The following SLC35F1 variants were observed in gnomAD, a reference collection of about 807,000 sequenced individuals.
SLC35F1 encodes solute carrier family 35 member F1, also known as chromosome 6 open reading frame 169.
SLC35F1 carries 14 observed loss-of-function variants against 48.7 expected under a neutral mutation model. The observed-to-expected ratio is 0.29, with a 90% CI of 0.19 to 0.45. SLC35F1 has a LOEUF of 0.45. Ranked by LOEUF, SLC35F1 falls within the 20% of genes least tolerant of loss-of-function variation. The pLI is 1.00. For missense variants in SLC35F1, 404 were observed against 500.0 expected (o/e 0.81, Z 1.83); for synonymous variants, 190 against 202.2 (o/e 0.94, Z 0.51).
intron 1 of SLC35F1, among the ~76,000 whole-genome samples, chr6:117,948,602 A>G (rs1289345997): frequency 2.0e-5 from 3 of 152,186 alleles, no homozygotes; most frequent in Admixed American, 2.0e-4. Flanking sequence ...CATTGGGGAT[A>G]CAAGTATCAA....
Position 118,285,172 on chromosome 6 carries a change from C to G in SLC35F1, c.848-12C>G. 1 of 1,611,904 alleles carries G rather than the reference C, an allele frequency of 6.2e-7. No homozygotes were observed. The highest frequency in any genetic ancestry group is 8.5e-7 in the Non-Finnish European group (1 of 1,178,348). On this transcript the variant is annotated splice_polypyrimidine_tract_variant and intron_variant, in intron 6 of 7. Transcript: ENST00000360388. ...AGGCCCTGACGCTGCCTTCTCTTTACTCTTCCCCCAGGACTGCTCTACGTT... is the reference window on the plus strand; with the variant it reads ...AGGCCCTGACGCTGCCTTCTCTTTAGTCTTCCCCCAGGACTGCTCTACGTT...
chr6:118,104,464 A>G (rs1209491205), intron 1 of SLC35F1, among the ~76,000 whole-genome samples: 1 of 152,188 alleles, frequency 6.6e-6, no homozygotes, highest in Non-Finnish European at 1.5e-5. Context: ...ACAGTGACAA[A>G]CACAGTAAAT....
intron 1 of SLC35F1, among the ~76,000 whole-genome samples, chr6:118,075,461 C>T (rs1203469112): frequency 1.3e-5 from 2 of 152,188 alleles, no homozygotes; most frequent in Non-Finnish European, 2.9e-5. Context: ...CTTCCAGAAA[C>T]ATTTTATAAC....
At chr6:118,210,462 G>A (rs1457396269) in intron 2 of SLC35F1, among the ~76,000 whole-genome samples, 2 of 152,132 alleles carry the variant, frequency 1.3e-5, no homozygotes, top group South Asian at 2.1e-4. Context: ...AAAAAGAAAC[G>A]AAGTACAAAC....
At position 118,290,037 on chromosome 6, in the gene SLC35F1, T is replaced by C; in HGVS notation, c.1002+4699T>C. Reference sequence around the variant, plus strand: ...CTGGCCTTGATCTACCAGATGCCAATGGCATCCACCCAGTAGTGAGAATCA... The same window carrying C: ...CTGGCCTTGATCTACCAGATGCCAACGGCATCCACCCAGTAGTGAGAATCA... On this transcript the variant is annotated intron_variant, in intron 7 of 7. Transcript: ENST00000360388. Among the ~76,000 whole-genome samples, 2 of 152,212 alleles carry C rather than the reference T, an allele frequency of 1.3e-5. 1 individual carries two copies. The highest frequency in any genetic ancestry group is 2.9e-5 in the Non-Finnish European group (2 of 68,038).
At chr6:118,152,164 A>C (rs1338517280) in intron 1 of SLC35F1, among the ~76,000 whole-genome samples, 3 of 152,238 alleles carry the variant, frequency 2.0e-5, no homozygotes, top group African/African-American at 7.2e-5. Context: ...TGAAAGATAC[A>C]TAAGAATCAG....
chr6:117,968,625 G>A (rs1374902375), intron 1 of SLC35F1, among the ~76,000 whole-genome samples: 1 of 152,138 alleles, frequency 6.6e-6, no homozygotes, highest in Non-Finnish European at 1.5e-5. Flanking sequence ...ATTGACAGTT[G>A]TATACTCAGA....
intron 3 of SLC35F1, among the ~76,000 whole-genome samples, chr6:118,257,128 C>G (rs992226631): frequency 2.0e-5 from 3 of 151,968 alleles, no homozygotes; most frequent in African/African-American, 7.3e-5. Context: ...ACTTCCATTC[C>G]CTTCTAAAAG....
At chr6:118,048,244 G>A (rs1772329481) in intron 1 of SLC35F1, among the ~76,000 whole-genome samples, 1 of 152,116 alleles carries the variant, frequency 6.6e-6, no homozygotes, top group South Asian at 2.1e-4. Context: ...ACTTGATCAT[G>A]GTGGATAAGC....
intron 1 of SLC35F1, among the ~76,000 whole-genome samples, chr6:118,122,431 C>G (rs1276570756): frequency 6.6e-6 from 1 of 152,140 alleles, no homozygotes; most frequent in African/African-American, 2.4e-5. Flanking sequence ...CAAGCTTTTG[C>G]CAAGTCAGAG....
At chr6:118,226,107 GTACAT>G (rs1037032527) in intron 2 of SLC35F1, among the ~76,000 whole-genome samples, 54 of 152,168 alleles carry the variant, frequency 3.5e-4, no homozygotes, top group African/African-American at 1.3e-3. Context: ...TGGCCAACAG[GTACAT>G]GAAAAAATAC....
chr6:118,014,502 T>C (rs1777293636), intron 1 of SLC35F1, among the ~76,000 whole-genome samples: 1 of 152,072 alleles, frequency 6.6e-6, no homozygotes, highest in Non-Finnish European at 1.5e-5. Flanking sequence ...TAAATTGTGG[T>C]ATTCAGATTT....
intron 1 of SLC35F1, 139 bp downstream of exon 1, chr6:117,908,038 G>C: frequency 2.3e-6 from 2 of 863,768 alleles, no homozygotes; most frequent in Non-Finnish European, 3.1e-6. Context: ...ATCGGGCGAC[G>C]ACGCGCTCCG....
chr6:118,001,037 T>C (rs1777085462), intron 1 of SLC35F1, among the ~76,000 whole-genome samples: 3 of 152,012 alleles, frequency 2.0e-5, no homozygotes, highest in Admixed American at 1.3e-4. Flanking sequence ...AGGTAATTTA[T>C]AGATTCAATG....
At chr6:118,266,936 T>A (rs1017395153) in intron 3 of SLC35F1, 59 bp from the exon 4 acceptor site, 1 of 1,590,136 alleles carries the variant, frequency 6.3e-7, no homozygotes, top group Non-Finnish European at 8.6e-7. Context: ...TTTTCCCTAC[T>A]ACATGGAATG....
intron 1 of SLC35F1, among the ~76,000 whole-genome samples, chr6:118,081,141 T>C (rs2114320531): frequency 6.6e-6 from 1 of 152,276 alleles, no homozygotes; most frequent in East Asian, 1.9e-4. Flanking sequence ...TACCCCTGTT[T>C]GATCCAGGGT....
At chr6:118,250,099 G>C (rs1009710327) in intron 3 of SLC35F1, among the ~76,000 whole-genome samples, 2 of 152,150 alleles carry the variant, frequency 1.3e-5, no homozygotes, top group African/African-American at 4.8e-5. Context: ...TCTGCCAGGC[G>C]ATGCAATGAG....
intron 1 of SLC35F1, chr6:117,999,258 G>C (rs541342839): frequency 1.9e-6 from 3 of 1,595,738 alleles, no homozygotes; most frequent in Non-Finnish European, 2.5e-6. Context: ...AAGCTCGATC[G>C]ACATGCCTAC....
intron 2 of SLC35F1, among the ~76,000 whole-genome samples, chr6:118,224,672 T>G (rs1436491313): frequency 6.6e-6 from 1 of 152,244 alleles, no homozygotes. Flanking sequence ...TAGTAGCTGT[T>G]ATAAATGGGA....
Sources: allele counts gnomAD v4.1 joint callset (sites outside exome capture counted in the v4.1 genomes callset), GRCh38; gene constraint gnomAD v4.1.1; transcripts MANE v1.5; gene names NCBI Gene and HGNC (gene_info 2026-07-23, HGNC 2026-07-21).